The following MACROD2 variants were observed in gnomAD, a reference collection of about 807,000 sequenced individuals.
MACROD2 encodes ADP-ribose glycohydrolase MACROD2.
A neutral mutation model predicts 70.4 loss-of-function variants in MACROD2; 36 were observed. The observed-to-expected ratio is 0.51, with a 90% confidence interval of 0.39 to 0.68. MACROD2 has a LOEUF of 0.68. MACROD2 is among the 30% of genes least tolerant of loss of function. The probability of loss-of-function intolerance (pLI) is 0.00; values close to 1 mark genes in which losing one functional copy is unlikely to be tolerated. For synonymous variants in MACROD2, 172 were observed against 178.8 expected, an observed-to-expected ratio of 0.96 and a Z score of 0.30; for missense variants, 496 against 538.4, an observed-to-expected ratio of 0.92 and a Z score of 0.78.
chr20:14,161,984 A>G (rs1384872393), intron 3 of MACROD2, among the ~76,000 whole-genome samples: 1 of 151,226 alleles, frequency 6.6e-6, no homozygotes, highest in Non-Finnish European at 1.5e-5. Flanking sequence ...ATGATGATAA[A>G]CTCTTTCTAC....
intron 8 of MACROD2, among the ~76,000 whole-genome samples, chr20:15,710,705 G>A (rs1229865374): frequency 6.6e-6 from 1 of 152,092 alleles, no homozygotes; most frequent in East Asian, 1.9e-4. Flanking sequence ...AAATCACCAA[G>A]TCTGCATAAA....
At chr20:15,849,529 C>A (rs2064272904) in intron 8 of MACROD2, among the ~76,000 whole-genome samples, 1 of 152,174 alleles carries the variant, frequency 6.6e-6, no homozygotes, top group African/African-American at 2.4e-5. Context: ...GCATAGCATT[C>A]TCATTTTGAG....
intron 4 of MACROD2, among the ~76,000 whole-genome samples, chr20:14,583,604 C>T (rs1981184923): frequency 2.0e-5 from 3 of 152,200 alleles, no homozygotes; most frequent in Middle Eastern, 3.4e-3. Context: ...TAATGAAGAG[C>T]GATGTTAGGT....
intron 8 of MACROD2, among the ~76,000 whole-genome samples, chr20:15,805,630 C>T (rs11697766): frequency 0.12 from 18,451 of 152,088 alleles, 1,339 homozygotes; most frequent in Middle Eastern, 0.28. Flanking sequence ...GCATGTGCCA[C>T]CACGCCCAGC....
At chr20:15,067,682 C>T in intron 5 of MACROD2, among the ~76,000 whole-genome samples, 1 of 151,938 alleles carries the variant, frequency 6.6e-6, no homozygotes, top group East Asian at 1.9e-4. Flanking sequence ...TTTCAGATGA[C>T]TATGTTTTTC....
At chr20:15,239,490 A>C (rs1216132621) in intron 6 of MACROD2, among the ~76,000 whole-genome samples, 1 of 152,134 alleles carries the variant, frequency 6.6e-6, no homozygotes, top group Non-Finnish European at 1.5e-5. Flanking sequence ...GCAAAGTGAA[A>C]TATTTGCTTT....
intron 5 of MACROD2, among the ~76,000 whole-genome samples, chr20:15,008,921 TGGA>T (rs1384169299): frequency 6.6e-6 from 1 of 152,012 alleles, no homozygotes; most frequent in African/African-American, 2.4e-5. Flanking sequence ...GTGGGTTTAG[TGGA>T]GGAGGAGTTG....
chr20:15,878,507 G>A (rs2064707395), intron 9 of MACROD2, among the ~76,000 whole-genome samples: 1 of 152,086 alleles, frequency 6.6e-6, no homozygotes, highest in Non-Finnish European at 1.5e-5. Flanking sequence ...AGTACACTTT[G>A]ATAATTACCT....
intron 8 of MACROD2, among the ~76,000 whole-genome samples, chr20:15,719,798 A>AG (rs775180186): frequency 6.6e-5 from 10 of 152,170 alleles, no homozygotes; most frequent in Non-Finnish European, 1.0e-4. Context: ...TCTTTGTGAT[A>AG]GGAACATTCA....
rs1448162486 is a variant in MACROD2 at position 14,493,469 on chromosome 20, T to C, written c.272-10T>C. ...ATTTAATGTCTTTTGTTGTGTTTTGTTTTAAACAGCAAATGCCAGTCTTCT... is the reference window on the plus strand; with the variant it reads ...ATTTAATGTCTTTTGTTGTGTTTTGCTTTAAACAGCAAATGCCAGTCTTCT... On this transcript the variant is annotated splice_polypyrimidine_tract_variant and intron_variant, in intron 3 of 17. Coordinates refer to ENST00000684519, the MANE Select transcript of MACROD2 (RefSeq NM_001351661.2). The C allele has an allele frequency of 6.2e-7, 1 of 1,606,874 alleles. No homozygotes were observed. The highest frequency in any genetic ancestry group is 8.5e-7 in the Non-Finnish European group (1 of 1,174,984).
At chr20:14,599,823 A>T (rs1982370306) in intron 4 of MACROD2, among the ~76,000 whole-genome samples, 1 of 152,182 alleles carries the variant, frequency 6.6e-6, no homozygotes. Flanking sequence ...AAGACTTGGC[A>T]ATGCCTCACA....
At chr20:15,099,265 G>T (rs1235361039) in intron 5 of MACROD2, among the ~76,000 whole-genome samples, 1 of 152,150 alleles carries the variant, frequency 6.6e-6, no homozygotes, top group Non-Finnish European at 1.5e-5. Context: ...CTAAAGTGGT[G>T]GTATTTCAAG....
intron 4 of MACROD2, among the ~76,000 whole-genome samples, chr20:14,536,657 G>GTGTA (rs2085368879): frequency 1.1e-5 from 1 of 93,122 alleles, no homozygotes; most frequent in Admixed American, 9.5e-5. Flanking sequence ...GTGTGTGTGT[G>GTGTA]TGTGTGCATG....
At chr20:14,533,815 A>G (rs1289221943) in intron 4 of MACROD2, among the ~76,000 whole-genome samples, 4 of 152,222 alleles carry the variant, frequency 2.6e-5, no homozygotes, top group African/African-American at 9.6e-5. Context: ...GTCCAGGTAA[A>G]GAATTTGAGA....
At chr20:15,262,206 C>T (rs1434341826) in intron 6 of MACROD2, among the ~76,000 whole-genome samples, 4 of 151,940 alleles carry the variant, frequency 2.6e-5, no homozygotes, top group Non-Finnish European at 5.9e-5. Context: ...TACACCTACC[C>T]TTCCTAGCCT....
intron 8 of MACROD2, among the ~76,000 whole-genome samples, chr20:15,507,294 C>T (rs1231758506): frequency 6.6e-6 from 1 of 151,054 alleles, no homozygotes; most frequent in East Asian, 2.0e-4. Flanking sequence ...TTCTGTCTCC[C>T]TCCCTCTTTC....
At chr20:14,834,848 G>A (rs989531015) in intron 5 of MACROD2, among the ~76,000 whole-genome samples, 2 of 151,844 alleles carry the variant, frequency 1.3e-5, no homozygotes, top group Non-Finnish European at 2.9e-5. Context: ...ATGAGAATAT[G>A]TGTGTATATA....
At chr20:13,997,036 A>C (rs1235938059) in intron 1 of MACROD2, among the ~76,000 whole-genome samples, 1 of 152,216 alleles carries the variant, frequency 6.6e-6, no homozygotes, top group Non-Finnish European at 1.5e-5. Context: ...AGAATCCACT[A>C]TATAGGATCG....
chr20:15,666,364 AG>A (rs2049897673), intron 8 of MACROD2, among the ~76,000 whole-genome samples: 1 of 152,172 alleles, frequency 6.6e-6, no homozygotes, highest in Non-Finnish European at 1.5e-5. Context: ...TTCCCCCTTT[AG>A]CTCAGCTTTA....
Sources: gnomAD v4.1 joint callset for allele counts (sites outside exome capture counted in the v4.1 genomes callset) on GRCh38, gnomAD v4.1.1 for gene constraint, MANE v1.5 for transcripts, NCBI Gene and HGNC (gene_info 2026-07-23, HGNC 2026-07-21) for gene names.